The following CACNB2 variants were observed in gnomAD, a reference collection of about 807,000 sequenced individuals.
The protein encoded by CACNB2 is voltage-dependent L-type calcium channel subunit beta-2.
Under a neutral mutation model 73.3 loss-of-function variants are expected in CACNB2, and 42 were observed. That is an observed-to-expected ratio of 0.57 (90% CI 0.45 to 0.74). The LOEUF is 0.74. Ranked by LOEUF, CACNB2 falls within the 30% of genes least tolerant of loss-of-function variation. The pLI is 0.00. For synonymous variants in CACNB2, 348 were observed against 310.3 expected, an observed-to-expected ratio of 1.12 and a Z score of -1.28; for missense variants, 940 against 853.0, an observed-to-expected ratio of 1.10 and a Z score of -1.27.
intron 2 of CACNB2, among the ~76,000 whole-genome samples, chr10:18,212,626 A>G (rs980120338): frequency 6.6e-6 from 1 of 152,164 alleles, no homozygotes; most frequent in African/African-American, 2.4e-5. Flanking sequence ...TGTTTGTAAT[A>G]TGAAGGAGGA....
intron 4 of CACNB2, chr10:18,498,765 CT>C (rs1268736752): frequency 4.9e-5 from 18 of 365,978 alleles, no homozygotes; most frequent in East Asian, 1.3e-4. Flanking sequence ...TTAACCTATA[CT>C]TTTTTTTAAT....
At chr10:18,483,081 A>G (rs1028251131) in intron 3 of CACNB2, among the ~76,000 whole-genome samples, 3 of 152,206 alleles carry the variant, frequency 2.0e-5, no homozygotes, top group African/African-American at 7.2e-5. Context: ...CAAGGGCAGC[A>G]GCAAAGGTTT....
chr10:18,370,314 G>A (rs2042525350), intron 2 of CACNB2, among the ~76,000 whole-genome samples: 1 of 151,360 alleles, frequency 6.6e-6, no homozygotes, highest in African/African-American at 2.4e-5. Context: ...GTTTTTTTGA[G>A]GTAGAGTCTT....
chr10:18,248,565 T>C (rs918908554), intron 2 of CACNB2, among the ~76,000 whole-genome samples: 3 of 152,250 alleles, frequency 2.0e-5, no homozygotes, highest in African/African-American at 4.8e-5. Context: ...ATTCATTTCT[T>C]TGTCACTATG....
At chr10:18,401,900 T>A in intron 2 of CACNB2, 24 bp from the exon 3 acceptor site, 1 of 1,613,196 alleles carries the variant, frequency 6.2e-7, no homozygotes, top group Non-Finnish European at 8.5e-7. Context: ...GAATCTACTT[T>A]AAAATGTACA....
At chr10:18,300,051 C>A (rs1400985621) in intron 2 of CACNB2, among the ~76,000 whole-genome samples, 1 of 150,850 alleles carries the variant, frequency 6.6e-6, no homozygotes, top group South Asian at 2.1e-4. Flanking sequence ...GACGGAGTTT[C>A]ACTCTTCTTC....
chr10:18,317,584 C>T (rs1025170894), intron 2 of CACNB2, among the ~76,000 whole-genome samples: 2 of 152,146 alleles, frequency 1.3e-5, no homozygotes, highest in African/African-American at 2.4e-5. Flanking sequence ...TTTATGGCTG[C>T]ATAGTATCCT....
intron 2 of CACNB2, among the ~76,000 whole-genome samples, chr10:18,349,928 T>G (rs2041635416): frequency 6.6e-6 from 1 of 152,158 alleles, no homozygotes; most frequent in Non-Finnish European, 1.5e-5. Flanking sequence ...GCCAAATGCT[T>G]TATATCTATT....
chr10:18,477,450 A>G (rs1298191411), intron 3 of CACNB2, among the ~76,000 whole-genome samples: 1 of 152,192 alleles, frequency 6.6e-6, no homozygotes, highest in Non-Finnish European at 1.5e-5. Context: ...CTGTTGTTAG[A>G]ATGTCTCTGA....
intron 2 of CACNB2, among the ~76,000 whole-genome samples, chr10:18,355,640 T>A (rs374622921): frequency 1.5e-4 from 23 of 151,556 alleles, no homozygotes; most frequent in East Asian, 1.4e-3. Context: ...CTTTTTTTTT[T>A]TTTTTTATTT....
chr10:18,355,974 T>C (rs1168370517), intron 2 of CACNB2, among the ~76,000 whole-genome samples: 1 of 152,066 alleles, frequency 6.6e-6, no homozygotes, highest in Non-Finnish European at 1.5e-5. Flanking sequence ...CCGAGTCAAC[T>C]AACATGCACA....
Position 18,360,716 on chromosome 10 carries a change from C to T in CACNB2, c.214-41208C>T, listed in dbSNP as rs567660368. Among the ~76,000 whole-genome samples the T allele has an allele frequency of 2.0e-5, 3 of 152,294 alleles. No individual in the cohort carries two copies. In the South Asian group the frequency reaches 6.2e-4, roughly 32 times the overall value. ...CATAGTCATGAGTGAGGAGAGCAGG[C>T]TCCATAACTTGTCCTCTTAGACGAC... On this transcript the variant is annotated intron_variant, in intron 2 of 13. Transcript: ENST00000324631.
chr10:18,461,177 G>A (rs1310749329), intron 3 of CACNB2, among the ~76,000 whole-genome samples: 8 of 152,142 alleles, frequency 5.3e-5, no homozygotes, highest in African/African-American at 1.4e-4. Context: ...GCCTCCCAAA[G>A]TGCTGGGAAT....
At position 18,349,571 on chromosome 10, in the gene CACNB2, G is replaced by C. The variant is rs532669794; in HGVS notation, c.214-52353G>C. ...GATGACAATCTGCTAGGTGAGATGA[G>C]CCAGACACAAGGAGACAAATACAGA... On this transcript the variant is annotated intron_variant, in intron 2 of 13. Transcript: ENST00000324631. Among the ~76,000 whole-genome samples the C allele has an allele frequency of 5.3e-5, 8 of 152,192 alleles. No individual in the cohort carries two copies. The South Asian group carries it at 1.7e-3, about 32-fold the overall frequency.
chr10:18,161,600 G>A (rs981640768), intron 2 of CACNB2, among the ~76,000 whole-genome samples: 2 of 149,174 alleles, frequency 1.3e-5, no homozygotes, highest in Admixed American at 6.7e-5. Context: ...TCCAGGTGCC[G>A]CATCTGAAAG....
intron 2 of CACNB2, among the ~76,000 whole-genome samples, chr10:18,386,563 C>T (rs2043244123): frequency 6.6e-6 from 1 of 151,978 alleles, no homozygotes; most frequent in African/African-American, 2.4e-5. Flanking sequence ...CCACCATGCC[C>T]TGCTAATTTT....
At chr10:18,183,510 T>C (rs1000798508) in intron 2 of CACNB2, among the ~76,000 whole-genome samples, 2 of 152,134 alleles carry the variant, frequency 1.3e-5, no homozygotes, top group African/African-American at 4.8e-5. Context: ...CTCACAATCA[T>C]GGTGGAAGGG....
At chr10:18,538,141 G>A in intron 12 of CACNB2, 39 bp from the exon 13 acceptor site, 1 of 1,608,202 alleles carries the variant, frequency 6.2e-7, no homozygotes, top group Non-Finnish European at 8.5e-7. Flanking sequence ...GTGAAAACTG[G>A]GCTGGCATCA....
chr10:18,361,201 C>T (rs2042122964), intron 2 of CACNB2, among the ~76,000 whole-genome samples: 1 of 151,890 alleles, frequency 6.6e-6, no homozygotes, highest in Admixed American at 6.6e-5. Context: ...TTTATGTAGC[C>T]ATCCTAAAGT....
Sources: gnomAD v4.1 joint callset for allele counts (sites outside exome capture counted in the v4.1 genomes callset) on GRCh38, gnomAD v4.1.1 for gene constraint, MANE v1.5 for transcripts, NCBI Gene and HGNC (gene_info 2026-07-23, HGNC 2026-07-21) for gene names.